Variants in KDM2A observed in about 807,000 individuals in gnomAD.
The protein encoded by KDM2A is lysine-specific demethylase 2A.
A neutral mutation model predicts 137.3 loss-of-function variants in KDM2A; 3 were observed. The observed-to-expected ratio is 0.02, with a 90% confidence interval of 0.01 to 0.06. The LOEUF is 0.06. Ranked by LOEUF, KDM2A falls within the 10% of genes least tolerant of loss-of-function variation. The pLI is 1.00. For synonymous variants in KDM2A, 512 were observed against 541.5 expected, an observed-to-expected ratio of 0.95 and a Z score of 0.76; for missense variants, 738 against 1,510.6, an observed-to-expected ratio of 0.49 and a Z score of 8.48.
At chr11:67,177,944 T>C (rs891249081) in intron 2 of KDM2A, among the ~76,000 whole-genome samples, 3 of 152,204 alleles carry the variant, frequency 2.0e-5, no homozygotes, top group Non-Finnish European at 4.4e-5. Flanking sequence ...TTAGTTCTAC[T>C]GTAATCTCAT....
chr11:67,251,604 G>A (rs1859430587), intron 17 of KDM2A, among the ~76,000 whole-genome samples: 1 of 152,220 alleles, frequency 6.6e-6, no homozygotes, highest in South Asian at 2.1e-4. Flanking sequence ...AATGTCAACT[G>A]TCAGGACCCT....
Position 67,173,767 on chromosome 11 carries a change from C to T in KDM2A, c.43-6312C>T, listed in dbSNP as rs190850710. ...TGGCTCTGCTGCCCAGACTGGAGTGCAGTAGCCCCATCATAACTCATGGCA... is the reference window on the plus strand; with the variant it reads ...TGGCTCTGCTGCCCAGACTGGAGTGTAGTAGCCCCATCATAACTCATGGCA... On this transcript the variant is annotated intron_variant, in intron 2 of 20. Transcript: ENST00000529006. Among the ~76,000 whole-genome samples, 23 of 152,240 alleles carry T rather than the reference C, an allele frequency of 1.5e-4. No homozygotes were observed. The East Asian group carries it at 4.4e-3, about 29-fold the overall frequency.
rs186150105 is a variant in KDM2A at position 67,234,402 on chromosome 11, A to T, written c.1479+2442A>T. Among the ~76,000 whole-genome samples the T allele has an allele frequency of 8.5e-4, 129 of 152,348 alleles. No homozygotes were observed. The Middle Eastern group carries it at 0.01, about 12-fold the overall frequency. On this transcript the variant is annotated intron_variant, in intron 12 of 20. Transcript: ENST00000529006. ...ACCTATCTGGCTTTCAGGAATAATT[A>T]GTAGAAGAGATGAGGGGAAAAGTGG... is the stretch of plus-strand genomic sequence containing the variant.
intron 2 of KDM2A, among the ~76,000 whole-genome samples, chr11:67,155,671 C>T (rs1856495961): frequency 6.6e-6 from 1 of 151,378 alleles, no homozygotes; most frequent in Non-Finnish European, 1.5e-5. Context: ...GGCTGGAGTG[C>T]AATGGCTTGA....
chr11:67,247,140 A>G (rs1458169656), intron 15 of KDM2A, among the ~76,000 whole-genome samples: 1 of 111,654 alleles, frequency 9.0e-6, no homozygotes, highest in Non-Finnish European at 1.7e-5. Context: ...CCTAGGCTAG[A>G]GTGCAGTGGC....
intron 15 of KDM2A, among the ~76,000 whole-genome samples, chr11:67,247,037 TTATA>T (rs59101290): frequency 0.12 from 3,848 of 32,994 alleles, 495 homozygotes; most frequent in South Asian, 0.2. Flanking sequence ...ATAAATTATT[TTATA>T]TATATATATA....
chr11:67,214,455 C>A (rs541985517), intron 6 of KDM2A, among the ~76,000 whole-genome samples: 4 of 152,102 alleles, frequency 2.6e-5, no homozygotes, highest in African/African-American at 9.7e-5. Flanking sequence ...CCACCTGCCT[C>A]GGCCTCCCAA....
intron 2 of KDM2A, among the ~76,000 whole-genome samples, chr11:67,162,625 C>T (rs975210181): frequency 2.0e-5 from 3 of 152,082 alleles, no homozygotes; most frequent in Non-Finnish European, 4.4e-5. Flanking sequence ...AGACTGGTCT[C>T]GAACTCCTGA....
rs1424964635 is a variant in KDM2A at position 67,257,306 on chromosome 11, G to A, written c.*2251G>A. ...GCACGTAAATTGGTCAGCAGAAAAG[G>A]GAGCCCAGAAAAGGCAGCAGATGGA... On this transcript the variant is annotated 3_prime_UTR_variant, in exon 21 of 21. Transcript: ENST00000529006. 6.6e-6 allele frequency: 1 copy of A among 152,574 alleles called. No individual in the cohort carries two copies. Among genetic ancestry groups the A allele is most frequent in the Non-Finnish European group, 1.5e-5 (1 of 68,028 alleles). 9.5% of individuals were successfully genotyped at this position (152,574 alleles called of 1,614,324 possible).
intron 18 of KDM2A, 79 bp downstream of exon 18, chr11:67,252,936 T>G (rs1859480034): frequency 2.1e-6 from 3 of 1,461,366 alleles, no homozygotes; most frequent in South Asian, 1.3e-5. Flanking sequence ...TGGCAGTGCT[T>G]CTTAGCATCA....
chr11:67,245,789 G>A lies in KDM2A; in HGVS notation c.1834-196G>A. ...AACTGAAAATAAACTAGTCTCTGGT[G>A]CCCAGGTGGTTGAGTCCTCCTCTTC... is the stretch of plus-strand genomic sequence containing the variant. On this transcript the variant is annotated intron_variant, in intron 14 of 20. Transcript: ENST00000529006. This position sits in a 1 kb window ranked among gnomAD's most constrained non-coding sequence, Gnocchi z 4.1. 3 of 643,220 alleles carry A rather than the reference G, an allele frequency of 4.7e-6. No homozygotes were observed. The highest frequency in any genetic ancestry group is 7.9e-6 in the Non-Finnish European group (3 of 381,696). The allele number at this position is 643,220 out of a possible 1,614,324, so 39.8% of individuals were successfully genotyped here.
Position 67,223,553 on chromosome 11 carries a change from C to T in KDM2A, c.957+4150C>T, listed in dbSNP as rs112402981. Among the ~76,000 whole-genome samples, 9 of 152,202 alleles carry T rather than the reference C, an allele frequency of 5.9e-5. 2 individuals carry two copies. The highest frequency in any genetic ancestry group is 2.2e-4 in the African/African-American group (9 of 41,516). ...GAGTAGCTGGGACCACAGACGCACA[C>T]CACCACACCTGGCTAGTTTTTTTAT... On this transcript the variant is annotated intron_variant, in intron 10 of 20. Coordinates refer to ENST00000529006, the MANE Select transcript of KDM2A (RefSeq NM_012308.3).
chr11:67,215,818 C>T, intron 7 of KDM2A, 38 bp from the exon 8 acceptor site: 4 of 1,504,414 alleles, frequency 2.7e-6, no homozygotes, highest in South Asian at 1.1e-5. Flanking sequence ...GTACTTTTTT[C>T]CATCAGTACA....
intron 2 of KDM2A, among the ~76,000 whole-genome samples, chr11:67,130,743 G>C (rs1172139871): frequency 6.6e-6 from 1 of 151,914 alleles, no homozygotes; most frequent in African/African-American, 2.4e-5. Context: ...CATCAAAAAG[G>C]GTTAAAATTC....
rs1312542354 is a variant in KDM2A, at chr11:67,256,846, C to T, written c.*1791C>T. ...AATCTGCTGAATCTTTTGACTGCAC[C>T]TTACAAACAGCAGTCTGCTCCCATG... On this transcript the variant is annotated 3_prime_UTR_variant, in exon 21 of 21. Coordinates refer to ENST00000529006, the MANE Select transcript of KDM2A (RefSeq NM_012308.3). The T allele has an allele frequency of 1.3e-5, 2 of 152,644 alleles. No individual in the cohort carries two copies. The highest frequency in any genetic ancestry group is 2.4e-5 in the African/African-American group (1 of 41,436). 9.5% of individuals were successfully genotyped at this position (152,644 alleles called of 1,614,324 possible). A position where few individuals can be genotyped will look rare whatever the true frequency, so the allele number is the denominator to read the frequency against.
At position 67,254,866 on chromosome 11, in the gene KDM2A, C is replaced by T; in HGVS notation, c.3308-8C>T. Reference sequence around the variant, plus strand: ...TGAGCACTGTCATTATGTCCACTTTCCCGACAGGTTGCAATAAATTGACAG... The same window carrying T: ...TGAGCACTGTCATTATGTCCACTTTTCCGACAGGTTGCAATAAATTGACAG... On this transcript the variant is annotated splice_region_variant and splice_polypyrimidine_tract_variant and intron_variant, in intron 20 of 20. Transcript: ENST00000529006. The surrounding 1 kb of genome is among the most constrained non-coding windows in gnomAD (Gnocchi z 4.7). 6.2e-7 allele frequency: 1 copy of T among 1,613,126 alleles called. No individual in the cohort carries two copies. Among genetic ancestry groups the T allele is most frequent in the Non-Finnish European group, 8.5e-7 (1 of 1,179,204 alleles).
At chr11:67,197,794 A>G (rs1240880734) in intron 5 of KDM2A, among the ~76,000 whole-genome samples, 1 of 152,200 alleles carries the variant, frequency 6.6e-6, no homozygotes, top group East Asian at 1.9e-4. Flanking sequence ...TGTCTGGCAT[A>G]TACAGTTGAC....
chr11:67,178,887 G>A (rs1441811236), intron 2 of KDM2A, among the ~76,000 whole-genome samples: 3 of 152,122 alleles, frequency 2.0e-5, no homozygotes, highest in Non-Finnish European at 4.4e-5. Context: ...AAAGAAGAAC[G>A]TATGTTTTCA....
chr11:67,201,218 A>ATGTGTGTG (rs61320277), intron 5 of KDM2A, among the ~76,000 whole-genome samples: 8,874 of 145,422 alleles, frequency 0.061, 564 homozygotes, highest in Admixed American at 0.2. Flanking sequence ...ATATATATAT[A>ATGTGTGTG]TGTGTGTGTG....
Sources: gnomAD v4.1 joint callset for allele counts (sites outside exome capture counted in the v4.1 genomes callset) on GRCh38, gnomAD v4.1.1 for gene constraint, Gnocchi (gnomAD v3.1) non-coding constraint, MANE v1.5 for transcripts, NCBI Gene and HGNC (gene_info 2026-07-23, HGNC 2026-07-21) for gene names.